DLG5: variants seen among roughly 807,000 people sequenced by gnomAD.
DLG5 encodes the protein disks large homolog 5.
Under a neutral mutation model 189.8 loss-of-function variants are expected in DLG5, and 48 were observed. The observed-to-expected ratio is 0.25, with a 90% CI of 0.20 to 0.32. DLG5 has a LOEUF of 0.32. DLG5 is among the 10% of genes least tolerant of loss of function. The pLI, the probability that DLG5 is intolerant of heterozygous loss-of-function variation, is 1.00. For missense variants in DLG5, 2,160 were observed against 2,544.7 expected (o/e 0.85, Z 3.25); for synonymous variants, 1,016 against 1,054.1 (o/e 0.96, Z 0.70).
intron 1 of DLG5, among the ~76,000 whole-genome samples, chr10:77,870,477 G>GT (rs1222837050): frequency 2.8e-4 from 43 of 152,264 alleles, no homozygotes; most frequent in Admixed American, 1.1e-3. Context: ...CAGCTCAGGA[G>GT]TTTGAGACCA....
chr10:77,803,988 T>C (rs758903871), intron 27 of DLG5, among the ~76,000 whole-genome samples: 5 of 151,206 alleles, frequency 3.3e-5, no homozygotes, highest in Non-Finnish European at 5.9e-5. Context: ...CCTCCCAGGC[T>C]GAAGCTATCT....
intron 5 of DLG5, among the ~76,000 whole-genome samples, chr10:77,853,048 T>A (rs535814423): frequency 5.3e-5 from 8 of 152,176 alleles, no homozygotes; most frequent in Admixed American, 4.6e-4. Flanking sequence ...AGTGGCATGA[T>A]CATAGCTCAC....
intron 8 of DLG5, 91 bp from the exon 9 acceptor site, chr10:77,834,130 A>G: frequency 6.7e-7 from 1 of 1,497,682 alleles, no homozygotes. Flanking sequence ...ACCTCACTCC[A>G]AATACCTGCC....
intron 7 of DLG5, among the ~76,000 whole-genome samples, chr10:77,841,090 A>G (rs895134604): frequency 6.6e-6 from 1 of 152,222 alleles, no homozygotes; most frequent in Admixed American, 6.5e-5. Flanking sequence ...GATAGGAAAA[A>G]AATCTGCTGT....
rs1844256989 is a variant in DLG5 at position 77,856,830 on chromosome 10, C to T, written c.436G>A (p.Val146Met). The change falls in exon 3 of 32, where the codon GTG (valine) becomes ATG (methionine). Residue 146 changes from valine (V) to methionine (M), a missense_variant. Physicochemically the swap from Val to Met is conservative, Grantham distance 21. Transcript: ENST00000372391. ...CGCAGCTGAATGGAGAGGTTCTCCA[C>T]CTTCTCATTCACTTGCTGGTCAGTG... ...LLTDQQVNEK[V>M]ENLSIQLRLM... 1.2e-6 allele frequency: 2 copies of T among 1,613,002 alleles called. No individual in the cohort carries two copies. Among genetic ancestry groups the T allele is most frequent in the Non-Finnish European group, 1.7e-6 (2 of 1,179,994 alleles).
Position 77,834,061 on chromosome 10 carries a change from A to G in DLG5, c.1623-22T>C, listed in dbSNP as rs777957683. Reference sequence around the variant, plus strand: ...TGTCCTGGTGGAAGGAGCAGAGGACAAGGTCATCTCAAGAGGCATGGGGAA... The same window carrying G: ...TGTCCTGGTGGAAGGAGCAGAGGACGAGGTCATCTCAAGAGGCATGGGGAA... On this transcript the variant is annotated intron_variant, in intron 8 of 31. Coordinates refer to ENST00000372391, the MANE Select transcript of DLG5 (RefSeq NM_004747.4). 3.7e-6 allele frequency: 6 copies of G among 1,603,706 alleles called. No individual in the cohort carries two copies. In the Admixed American group the frequency reaches 8.4e-5, roughly 22 times the overall value.
rs368547722 is a variant in DLG5, at chr10:77,842,171, G to A, written c.1147C>T (p.Leu383=). 12 of 1,604,570 alleles carry A rather than the reference G, an allele frequency of 7.5e-6. No homozygotes were observed. In the East Asian group the frequency reaches 2.0e-4, roughly 27 times the overall value. ...TTGTTCTGCGCCGTGGCCTTGTTCA[G>A]CTCATGGTGGATCGCCTCAAACCTG... ...LRRFEAIHHE[L]NKATAQNKDL... The change falls in exon 7 of 32, where the codon CTG becomes TTG. Residue 383 remains leucine, a synonymous_variant. Transcript: ENST00000372391.
chr10:77,878,446 A>AG (rs775674911), intron 1 of DLG5, among the ~76,000 whole-genome samples: 85 of 152,312 alleles, frequency 5.6e-4, no homozygotes, highest in Middle Eastern at 3.4e-3. Flanking sequence ...CTCCTAAGGA[A>AG]GGCAGGGCAT....
intron 1 of DLG5, among the ~76,000 whole-genome samples, chr10:77,874,761 A>C (rs1845031852): frequency 2.6e-5 from 4 of 152,216 alleles, no homozygotes; most frequent in African/African-American, 9.7e-5. Flanking sequence ...AAAGTGACTG[A>C]AACAGTACCT....
chr10:77,901,667 C>T (rs772735202), intron 1 of DLG5, among the ~76,000 whole-genome samples: 7 of 152,236 alleles, frequency 4.6e-5, no homozygotes, highest in Non-Finnish European at 1.0e-4. Flanking sequence ...GGCACTCTCA[C>T]TTCTAGGCAC....
chr10:77,802,608 G>A (rs1170369694), intron 27 of DLG5, among the ~76,000 whole-genome samples: 4 of 152,230 alleles, frequency 2.6e-5, no homozygotes, highest in Non-Finnish European at 4.4e-5. Context: ...AAGTATGGCC[G>A]GGGACAGTGC....
intron 1 of DLG5, among the ~76,000 whole-genome samples, chr10:77,904,452 C>T (rs1206611226): frequency 6.6e-6 from 1 of 151,964 alleles, no homozygotes; most frequent in Non-Finnish European, 1.5e-5. Flanking sequence ...TTTGGAGGGG[C>T]CAGGGGTGGA....
chr10:77,798,051 C>G (rs947260811), intron 27 of DLG5, among the ~76,000 whole-genome samples: 4 of 151,980 alleles, frequency 2.6e-5, no homozygotes, highest in Admixed American at 6.6e-5. Context: ...GCCGGGTGTG[C>G]TGGCGCACAC....
Position 77,792,349 on chromosome 10 carries a change from G to T in DLG5, c.*91C>A. The stretch of plus-strand genomic sequence containing the variant: ...ATCCTTCCCCCGCATGTTCATAGAC[G>T]GACAGACTTCTACTTTCAGTCGCTA... On this transcript the variant is annotated 3_prime_UTR_variant, in exon 32 of 32. Coordinates refer to ENST00000372391, the MANE Select transcript of DLG5 (RefSeq NM_004747.4). 7.8e-7 allele frequency: 1 copy of T among 1,279,232 alleles called. No individual in the cohort carries two copies. The highest frequency in any genetic ancestry group is 1.1e-6 in the Non-Finnish European group (1 of 880,164). The allele number at this position is 1,279,232 out of a possible 1,614,324, so 79.2% of individuals were successfully genotyped here. A position where few individuals can be genotyped will look rare whatever the true frequency, so the allele number is the denominator to read the frequency against.
intron 1 of DLG5, among the ~76,000 whole-genome samples, chr10:77,906,925 C>A (rs1300383154): frequency 6.6e-6 from 1 of 152,030 alleles, no homozygotes; most frequent in Non-Finnish European, 1.5e-5. Flanking sequence ...CGCGCCTGGC[C>A]CAGAGCTCCA....
intron 2 of DLG5, among the ~76,000 whole-genome samples, chr10:77,862,831 T>C (rs74604472): frequency 0.032 from 4,891 of 152,158 alleles, 266 homozygotes; most frequent in African/African-American, 0.11. Flanking sequence ...AAAAGCTACA[T>C]ACTACACAAC....
At chr10:77,916,584 G>A (rs944070551) in intron 1 of DLG5, among the ~76,000 whole-genome samples, 3 of 151,990 alleles carry the variant, frequency 2.0e-5, no homozygotes, top group Admixed American at 1.3e-4. Context: ...GAGCCACCAC[G>A]CCCGGCCAAA....
chr10:77,811,308 A>G, intron 22 of DLG5, 74 bp from the exon 23 acceptor site: 2 of 1,539,904 alleles, frequency 1.3e-6, no homozygotes, highest in Admixed American at 1.8e-5. Context: ...TGTGGCAACT[A>G]GATCTGAGCT....
intron 1 of DLG5, chr10:77,889,350 T>A (rs1243137511): frequency 6.6e-6 from 1 of 151,764 alleles, no homozygotes; most frequent in Admixed American, 6.6e-5. Flanking sequence ...GAAAATGAGG[T>A]CTGTTCTGGG....
Sources: allele counts gnomAD v4.1 joint callset (sites outside exome capture counted in the v4.1 genomes callset), GRCh38; gene constraint gnomAD v4.1.1; transcripts MANE v1.5; gene names NCBI Gene and HGNC (gene_info 2026-07-23, HGNC 2026-07-21).